STRIP2: variants seen among roughly 807,000 people sequenced by gnomAD.
STRIP2 encodes the protein striatin interacting protein 2.
A neutral mutation model predicts 107.1 loss-of-function variants in STRIP2; 84 were observed. The ratio of observed to expected loss-of-function variants is 0.78; its 90% CI spans 0.66 to 0.94. The LOEUF (loss-of-function observed/expected upper bound fraction) is 0.94, where lower values mean the gene tolerates loss of function less well. Ranked by LOEUF, STRIP2 falls within the 40% of genes least tolerant of loss-of-function variation. STRIP2 has a pLI of 0.00. For missense variants in STRIP2, 888 were observed against 1,034.2 expected, an observed-to-expected ratio of 0.86 and a Z score of 1.94; for synonymous variants, 394 against 400.4, an observed-to-expected ratio of 0.98 and a Z score of 0.19.
chr7:129,458,036 C>T lies in STRIP2; in HGVS notation c.1039-179C>T. On this transcript the variant is annotated intron_variant, in intron 9 of 20. Coordinates refer to ENST00000249344, the MANE Select transcript of STRIP2 (RefSeq NM_020704.3). The surrounding 1 kb of genome is among the most constrained non-coding windows in gnomAD (Gnocchi z 4.6). Reference sequence around the variant, plus strand: ...GCAGGGTTACCTGAGAACTTCTTGTCCTGTTATTGGGCCGGGTGGGGACAG... The same window carrying T: ...GCAGGGTTACCTGAGAACTTCTTGTTCTGTTATTGGGCCGGGTGGGGACAG... The T allele has an allele frequency of 1.5e-6, 1 of 657,502 alleles. No individual in the cohort carries two copies. 40.7% of individuals were successfully genotyped at this position (657,502 alleles called of 1,614,324 possible).
rs775003401 is a variant in STRIP2 at position 129,461,434 on chromosome 7, G to T, written c.1476+1062G>T. ...AGACAAAGAAGAGAATGGAAGGCAG[G>T]ACAAAGCCCTGGGGCACACCAGTAT... On this transcript the variant is annotated intron_variant, in intron 13 of 20. Coordinates refer to ENST00000249344, the MANE Select transcript of STRIP2 (RefSeq NM_020704.3). This position sits in a 1 kb window ranked among gnomAD's most constrained non-coding sequence, Gnocchi z 4.0. 9.2e-5 allele frequency among the ~76,000 whole-genome samples: 14 copies of T among 152,182 alleles called. No individual in the cohort carries two copies. The highest frequency in any genetic ancestry group is 1.2e-4 in the Non-Finnish European group (8 of 68,032).
rs1246262705 is a variant in STRIP2, at chr7:129,485,776, A to G, written c.2452A>G (p.Arg818Gly). Residue 818 changes from arginine to glycine, a missense_variant, in exon 21 of 21, where the codon AGA becomes GGA. Coordinates refer to ENST00000249344, the MANE Select transcript of STRIP2 (RefSeq NM_020704.3). ...CTATTCATATGAGCTCTGGCTCGAG[A>G]GAGAGGTGTTTTCACAGCCCATCTG... ...FHYSYELWLE[R>G]EVFSQPICWE... The G allele has an allele frequency of 1.2e-6, 2 of 1,614,164 alleles. No homozygotes were observed. Among genetic ancestry groups the G allele is most frequent in the Non-Finnish European group, 1.7e-6 (2 of 1,180,036 alleles).
chr7:129,468,322 C>T lies in STRIP2; in HGVS notation c.1877+872C>T, dbSNP rs571400100. ...CTGAAATTCCACCATGGAGAAGGAG[C>T]CTACTTATATGTAGCTTAAAACACA... is the stretch of plus-strand genomic sequence containing the variant. On this transcript the variant is annotated intron_variant, in intron 17 of 20. Transcript: ENST00000249344. 1.4e-4 allele frequency among the ~76,000 whole-genome samples: 22 copies of T among 152,232 alleles called. 1 individual carries two copies. In the Middle Eastern group the frequency reaches 0.014, roughly 94 times the overall value.
In STRIP2 at chr7:129,459,607, A is replaced by G. The variant is rs200562579; in HGVS notation, c.1404+27A>G. 3.3e-5 allele frequency: 53 copies of G among 1,589,766 alleles called. No homozygotes were observed. The African/African-American group carries it at 5.5e-4, about 16-fold the overall frequency. On this transcript the variant is annotated intron_variant, in intron 12 of 20. Transcript: ENST00000249344. ...TGACTGGGGTGGGCTCTCAGTCTTC[A>G]GGGATAGGGAGCCATCAAAGCAGGT...
At position 129,452,157 on chromosome 7, in the gene STRIP2, G is replaced by C. The variant is rs74358848; in HGVS notation, c.409+410G>C. Among the ~76,000 whole-genome samples, 48 of 152,280 alleles carry C rather than the reference G, an allele frequency of 3.2e-4. No homozygotes were observed. The East Asian group carries it at 8.7e-3, about 28-fold the overall frequency. On this transcript the variant is annotated intron_variant, in intron 4 of 20. Transcript: ENST00000249344. ...TGTCACAGATACACATGGACCCCTT[G>C]CATTGTTTCTCATTGGCATTTTGAA...
At chr7:129,480,703 C>T in intron 18 of STRIP2, 82 bp from the exon 19 acceptor site, 1 of 1,205,828 alleles carries the variant, frequency 8.3e-7, no homozygotes, top group Non-Finnish European at 1.2e-6. Flanking sequence ...CTCACCTAAA[C>T]TGACCAACAT....
At chr7:129,468,944 C>T (rs899345879) in intron 17 of STRIP2, among the ~76,000 whole-genome samples, 1 of 152,242 alleles carries the variant, frequency 6.6e-6, no homozygotes, top group Non-Finnish European at 1.5e-5. Context: ...TTTCCTCTCT[C>T]ACTGACAAAT....
At position 129,485,799 on chromosome 7, in the gene STRIP2, C is replaced by G. The variant is rs778303676; in HGVS notation, c.2475C>G (p.Ile825Met). 1 of 1,614,114 alleles carries G rather than the reference C, an allele frequency of 6.2e-7. No individual in the cohort carries two copies. Among genetic ancestry groups the G allele is most frequent in the Non-Finnish European group, 8.5e-7 (1 of 1,180,034 alleles). ...AGAGAGAGGTGTTTTCACAGCCCAT[C>G]TGTTGGGAGGAGCTGCTCCAGAATC... ...WLEREVFSQP[I>M]CWEELLQNH The change falls in exon 21 of 21, where the codon ATC (isoleucine) becomes ATG (methionine). Residue 825 changes from isoleucine to methionine, a missense_variant. By Grantham distance (10) the Ile-to-Met change is conservative (BLOSUM62 1). Coordinates refer to ENST00000249344, the MANE Select transcript of STRIP2 (RefSeq NM_020704.3).
rs916003328 is a variant in STRIP2, at chr7:129,487,991, C to T, written c.*2162C>T. ...TAAGGATAAATGATTAGTTTCCAATCACATCATTTTTTTCCACAGACTTGC... is the reference window on the plus strand; with the variant it reads ...TAAGGATAAATGATTAGTTTCCAATTACATCATTTTTTTCCACAGACTTGC... On this transcript the variant is annotated 3_prime_UTR_variant, in exon 21 of 21. Transcript: ENST00000249344. 1 of 152,156 alleles carries T rather than the reference C, an allele frequency of 6.6e-6. No homozygotes were observed. The highest frequency in any genetic ancestry group is 2.4e-5 in the African/African-American group (1 of 41,438). 9.4% of individuals were successfully genotyped at this position (152,156 alleles called of 1,614,324 possible).
At position 129,485,717 on chromosome 7, in the gene STRIP2, T is replaced by C. The variant is rs1799229939; in HGVS notation, c.2393T>C (p.Leu798Pro). Residue 798 changes from leucine (L) to proline (P), a missense_variant, in exon 21 of 21, where the codon CTG becomes CCG. By Grantham distance (98) the Leu-to-Pro change is moderately conservative (BLOSUM62 -3). Coordinates refer to ENST00000249344, the MANE Select transcript of STRIP2 (RefSeq NM_020704.3). ...GTGGATAACTGCTTGCAGAGCGTAC[T>C]GGGGCAGAGGTTGGATCTGCCTGAA... The part of the protein sequence containing the change: ...SPVDNCLQSV[L>P]GQRLDLPEDF... The C allele has an allele frequency of 6.2e-7, 1 of 1,614,058 alleles. No homozygotes were observed. The highest frequency in any genetic ancestry group is 8.5e-7 in the Non-Finnish European group (1 of 1,180,044).
intron 13 of STRIP2, 66 bp downstream of exon 13, chr7:129,460,438 G>A (rs1410813117): frequency 1.6e-6 from 2 of 1,270,688 alleles, no homozygotes; most frequent in African/African-American, 2.9e-5. Flanking sequence ...TTGTCACAGA[G>A]CATGTGTGCA....
chr7:129,445,525 C>G (rs1165537277), intron 3 of STRIP2, among the ~76,000 whole-genome samples: 2 of 151,714 alleles, frequency 1.3e-5, no homozygotes, highest in Non-Finnish European at 2.9e-5. Context: ...GCCACTTCCA[C>G]CCCTTGATTC....
Position 129,444,087 on chromosome 7 carries a change from T to C in STRIP2, c.263T>C (p.Phe88Ser). 1 of 1,612,540 alleles carries C rather than the reference T, an allele frequency of 6.2e-7. No homozygotes were observed. The highest frequency in any genetic ancestry group is 8.5e-7 in the Non-Finnish European group (1 of 1,178,604). Reference protein sequence around the residue: ...TNNRRCFEEDFKTQVQGKEWL... With the variant: ...TNNRRCFEEDSKTQVQGKEWL... ...AACAGGAGGTGCTTTGAAGAAGATT[T>C]CAAGACTCAAGGTAATTCCAGATCT... The change falls in exon 3 of 21, where the codon TTC becomes TCC. Residue 88 changes from phenylalanine (F) to serine (S), a missense_variant. Coordinates refer to ENST00000249344, the MANE Select transcript of STRIP2 (RefSeq NM_020704.3).
At chr7:129,464,542 A>G in intron 15 of STRIP2, 70 bp from the exon 16 acceptor site, 1 of 1,563,298 alleles carries the variant, frequency 6.4e-7, no homozygotes, top group Admixed American at 1.7e-5. Flanking sequence ...ATCAGACCCA[A>G]ATACCTGGAT....
At chr7:129,460,238 A>G in intron 12 of STRIP2, 63 bp from the exon 13 acceptor site, 1 of 1,435,808 alleles carries the variant, frequency 7.0e-7, no homozygotes, top group Non-Finnish European at 9.5e-7. Flanking sequence ...AATTTAAGTA[A>G]GAGACTGGTA....
chr7:129,474,153 T>C (rs1365665287), intron 18 of STRIP2, among the ~76,000 whole-genome samples: 1 of 152,150 alleles, frequency 6.6e-6, no homozygotes, highest in African/African-American at 2.4e-5. Flanking sequence ...CTTTTATTTT[T>C]TTTTTTTGAG....
chr7:129,482,351 CTCTCTATATA>C (rs1179177017), intron 19 of STRIP2, among the ~76,000 whole-genome samples: 7 of 67,776 alleles, frequency 1.0e-4, no homozygotes, highest in East Asian at 8.7e-4. Flanking sequence ...CTCTCTCTCT[CTCTCTATATA>C]TATATATATA....
chr7:129,456,993 A>G (rs370970156), intron 9 of STRIP2, among the ~76,000 whole-genome samples: 20 of 152,304 alleles, frequency 1.3e-4, no homozygotes, highest in East Asian at 9.6e-4. Context: ...CAGGTCTCCA[A>G]GCAAATCCAT....
chr7:129,439,476 A>G (rs572857320), intron 1 of STRIP2, among the ~76,000 whole-genome samples: 1 of 152,240 alleles, frequency 6.6e-6, no homozygotes, highest in Non-Finnish European at 1.5e-5. Flanking sequence ...TATACATACA[A>G]CGTCATGGGA....
Sources: allele counts gnomAD v4.1 joint callset (sites outside exome capture counted in the v4.1 genomes callset), GRCh38; gene constraint gnomAD v4.1.1; non-coding constraint Gnocchi (gnomAD v3.1); transcripts MANE v1.5; gene names NCBI Gene and HGNC (gene_info 2026-07-23, HGNC 2026-07-21).